KCNQ2: variants seen among roughly 807,000 people sequenced by gnomAD.
KCNQ2 encodes potassium voltage-gated channel subfamily Q member 2.
In KCNQ2, 14 loss-of-function variants were observed where a neutral mutation model predicts 84.8. The observed-to-expected ratio is 0.17, with a 90% CI of 0.11 to 0.26. The LOEUF (loss-of-function observed/expected upper bound fraction) is 0.26. KCNQ2 is among the 10% of genes least tolerant of loss of function. The pLI is 1.00. For synonymous variants in KCNQ2, 599 were observed against 554.1 expected (o/e 1.08, Z -1.14); for missense variants, 788 against 1,254.0 (o/e 0.63, Z 5.61).
intron 7 of KCNQ2, among the ~76,000 whole-genome samples, chr20:63,434,984 C>T (rs903408333): frequency 1.7e-4 from 26 of 152,220 alleles, no homozygotes; most frequent in African/African-American, 6.3e-4. Context: ...GACAACTCCA[C>T]GTTTACGAAC....
rs1465900390 is a variant in KCNQ2 at position 63,414,060 on chromosome 20, C to T, written c.1631+28G>A. 4 of 1,565,656 alleles carry T rather than the reference C, an allele frequency of 2.6e-6. No individual in the cohort carries two copies. The highest frequency in any genetic ancestry group is 3.5e-6 in the Non-Finnish European group (4 of 1,136,692). On this transcript the variant is annotated intron_variant, in intron 14 of 16. Coordinates refer to ENST00000359125, the MANE Select transcript of KCNQ2 (RefSeq NM_172107.4). The surrounding 1 kb of genome is among the most constrained non-coding windows in gnomAD (Gnocchi z 6.6). ...AGCGGGAGGCCCCTCCTCACTCCCC[C>T]AGGCTCCCGGCTGGGCAGGGGCCTC...
rs1016282109 is a variant in KCNQ2 at position 63,438,914 on chromosome 20, G to C, written c.928-194C>G. Among the ~76,000 whole-genome samples the C allele has an allele frequency of 1.3e-5, 2 of 150,570 alleles. No individual in the cohort carries two copies. The highest frequency in any genetic ancestry group is 2.9e-5 in the Non-Finnish European group (2 of 67,842). On this transcript the variant is annotated intron_variant, in intron 6 of 16. Coordinates refer to ENST00000359125, the MANE Select transcript of KCNQ2 (RefSeq NM_172107.4). The surrounding 1 kb of genome is among the most constrained non-coding windows in gnomAD (Gnocchi z 5.1). ...ACTCACACACCCCCCAGTTCATCAG[G>C]GTCAGACCCGTCTCCACCGATCCAT...
intron 8 of KCNQ2, among the ~76,000 whole-genome samples, chr20:63,431,705 C>A (rs983995034): frequency 1.3e-5 from 2 of 152,132 alleles, no homozygotes; most frequent in Non-Finnish European, 2.9e-5. Flanking sequence ...GCTCTGGCAT[C>A]CTCCTCCCAA....
chr20:63,456,284 C>T (rs2081794095), intron 1 of KCNQ2, among the ~76,000 whole-genome samples: 1 of 152,182 alleles, frequency 6.6e-6, no homozygotes, highest in East Asian at 1.9e-4. Context: ...ACAGACGCCG[C>T]CACCCCGCTC....
At chr20:63,412,024 C>T (rs573446324) in intron 15 of KCNQ2, 15 of 597,798 alleles carry the variant, frequency 2.5e-5, no homozygotes, top group African/African-American at 3.8e-5. Flanking sequence ...AGGGTGTGGA[C>T]GCCGCCTCGC....
intron 5 of KCNQ2, among the ~76,000 whole-genome samples, chr20:63,441,252 G>A (rs1015828435): frequency 2.0e-5 from 3 of 150,110 alleles, no homozygotes; most frequent in African/African-American, 7.4e-5. Context: ...TGCAAGAAAG[G>A]GAAACTGGGG....
At chr20:63,453,298 A>G (rs926397945) in intron 1 of KCNQ2, among the ~76,000 whole-genome samples, 1 of 152,232 alleles carries the variant, frequency 6.6e-6, no homozygotes, top group Non-Finnish European at 1.5e-5. Context: ...GGCCTCCGCC[A>G]GGACCCCGAA....
chr20:63,407,076 G>A lies in KCNQ2; in HGVS notation c.2187C>T (p.Gly729=). ...QPQSHPRQGH[G]TSPVGDHGSL... is the part of the protein sequence containing the mutation. ...AGCCGTGGTCCCCCACGGGGGAGGT[G>A]CCGTGGCCCTGGCGCGGGTGGCTCT... The change falls in exon 17 of 17, where the codon GGC becomes GGT. Residue 729 remains glycine, a synonymous_variant. Transcript: ENST00000359125. This position sits in a 1 kb window ranked among gnomAD's most constrained non-coding sequence, Gnocchi z 7.2. 1.1e-5 allele frequency: 17 copies of A among 1,528,948 alleles called. No homozygotes were observed. The highest frequency in any genetic ancestry group is 1.4e-5 in the Non-Finnish European group (16 of 1,139,776). 94.7% of individuals were successfully genotyped at this position (1,528,948 alleles called of 1,614,324 possible).
At chr20:63,458,828 C>G (rs536904850) in intron 1 of KCNQ2, among the ~76,000 whole-genome samples, 1 of 152,366 alleles carries the variant, frequency 6.6e-6, no homozygotes, top group Admixed American at 6.5e-5. Flanking sequence ...TCAGGCGTCA[C>G]TGCACCACCT....
At chr20:63,443,406 CCAT>C (rs2081310828) in intron 4 of KCNQ2, among the ~76,000 whole-genome samples, 2 of 5,638 alleles carry the variant, frequency 3.5e-4, no homozygotes, top group Non-Finnish European at 8.8e-4. Context: ...ACCATCACCA[CCAT>C]CACCATCACC....
At chr20:63,447,122 C>T (rs1296929711) in intron 1 of KCNQ2, among the ~76,000 whole-genome samples, 3 of 152,078 alleles carry the variant, frequency 2.0e-5, no homozygotes, top group Non-Finnish European at 4.4e-5. Flanking sequence ...ACTCTGGCCC[C>T]TGCCCCTTCT....
In KCNQ2 at chr20:63,414,411, C is replaced by T. The variant is rs971363489; in HGVS notation, c.1526-218G>A. Among the ~76,000 whole-genome samples, 9 of 152,140 alleles carry T rather than the reference C, an allele frequency of 5.9e-5. No homozygotes were observed. Among genetic ancestry groups the T allele is most frequent in the Admixed American group, 3.9e-4 (6 of 15,286 alleles). On this transcript the variant is annotated intron_variant, in intron 13 of 16. Coordinates refer to ENST00000359125, the MANE Select transcript of KCNQ2 (RefSeq NM_172107.4). The surrounding 1 kb of genome is among the most constrained non-coding windows in gnomAD (Gnocchi z 6.6). ...GGCAGGCTGTGGCCACAGGGAGTGG[C>T]CGATATGGGGCGTCAAAGGACATTC... is the stretch of plus-strand genomic sequence containing the variant.
chr20:63,421,309 C>A (rs1314458786), intron 11 of KCNQ2, among the ~76,000 whole-genome samples: 1 of 152,222 alleles, frequency 6.6e-6, no homozygotes, highest in Non-Finnish European at 1.5e-5. Context: ...TCTAACCGTG[C>A]CCGTTATAAT....
At position 63,440,160 on chromosome 20, in the gene KCNQ2, CAA is replaced by C. The variant is rs1306342014; in HGVS notation, c.817-454_817-453del. On this transcript the variant is annotated intron_variant, in intron 5 of 16. Coordinates refer to ENST00000359125, the MANE Select transcript of KCNQ2 (RefSeq NM_172107.4). ...AGGGGTGGGCAGGAGGAGGCCACCACAAGAGGCGGGGGAGTGGTCTCCACCGA... is the reference window on the plus strand; with the variant it reads ...AGGGGTGGGCAGGAGGAGGCCACCACGAGGCGGGGGAGTGGTCTCCACCGA... Among the ~76,000 whole-genome samples the C allele has an allele frequency of 2.0e-5, 3 of 152,130 alleles. No individual in the cohort carries two copies. In the South Asian group the frequency reaches 6.2e-4, roughly 32 times the overall value.
intron 4 of KCNQ2, among the ~76,000 whole-genome samples, chr20:63,444,167 G>A (rs2081345091): frequency 6.6e-6 from 1 of 152,248 alleles, no homozygotes; most frequent in Non-Finnish European, 1.5e-5. Context: ...GCACAGTCTG[G>A]CAGGATGGGG....
At chr20:63,465,683 T>A (rs1386630672) in intron 1 of KCNQ2, among the ~76,000 whole-genome samples, 3 of 152,112 alleles carry the variant, frequency 2.0e-5, no homozygotes, top group African/African-American at 7.2e-5. Context: ...CTGTTAGGCG[T>A]GTTGAACAGG....
Position 63,406,426 on chromosome 20 carries a change from GC to G in KCNQ2, c.*217del, listed in dbSNP as rs2079933958. ...TGCACGCTGCTCCTGGAGCCACAGG[GC>G]CCTGCCCAGCCCTCCAGCCCCTGTT... On this transcript the variant is annotated 3_prime_UTR_variant, in exon 17 of 17. Transcript: ENST00000359125. 1.6e-6 allele frequency: 1 copy of G among 617,230 alleles called. No individual in the cohort carries two copies. Among genetic ancestry groups the G allele is most frequent in the Admixed American group, 3.0e-5 (1 of 32,932 alleles). The allele number at this position is 617,230 out of a possible 1,614,324, so 38.2% of individuals were successfully genotyped here.
Position 63,446,122 on chromosome 20 carries a change from C to T in KCNQ2, c.387+625G>A, listed in dbSNP as rs546135913. ...CTGTCTGAGCCAGTGGGGGACCTGC[C>T]TTGAGTTGGGGGGTGCACAGCAGGG... On this transcript the variant is annotated intron_variant, in intron 2 of 16. Transcript: ENST00000359125. The surrounding 1 kb of genome is among the most constrained non-coding windows in gnomAD (Gnocchi z 5.5). The T allele has an allele frequency of 5.4e-5, 16 of 297,536 alleles. 1 individual carries two copies. The highest frequency in any genetic ancestry group is 4.5e-4 in the South Asian group (16 of 35,382). The allele number at this position is 297,536 out of a possible 1,614,324, so 18.4% of individuals were successfully genotyped here. A position where few individuals can be genotyped will look rare whatever the true frequency, so the allele number is the denominator to read the frequency against.
Position 63,414,964 on chromosome 20 carries a change from G to C in KCNQ2, c.1464C>G (p.Asp488Glu). ...GGAAAGCCTGGCGTGCCCGGCTGCG[G>C]TCCCCGAAGCTCCAGCTCTTGGGCA... ...SKVPKSWSFG[D>E]RSRARQAFRI... Residue 488 changes from aspartate (D) to glutamate (E), a missense_variant, in exon 13 of 17, where the codon GAC becomes GAG. Around this residue, in one of 8 missense-constraint regions of KCNQ2, gnomAD observed 202 missense variants for 239.4 expected, o/e 0.84. Transcript: ENST00000359125. The surrounding 1 kb of genome is among the most constrained non-coding windows in gnomAD (Gnocchi z 6.6). 6.2e-7 allele frequency: 1 copy of C among 1,612,388 alleles called. No individual in the cohort carries two copies.
Sources: gnomAD v4.1 joint callset for allele counts (sites outside exome capture counted in the v4.1 genomes callset) on GRCh38, gnomAD v4.1.1 for gene constraint, gnomAD v4.1.1 regional missense constraint, Gnocchi (gnomAD v3.1) non-coding constraint, MANE v1.5 for transcripts, NCBI Gene and HGNC (gene_info 2026-07-23, HGNC 2026-07-21) for gene names.